HTRA4: variants seen among roughly 807,000 people sequenced by gnomAD.
The protein encoded by HTRA4 is HtrA serine peptidase 4.
HTRA4 carries 46 observed loss-of-function variants against 49.1 expected under a neutral mutation model. That is an observed-to-expected ratio of 0.94 (90% CI 0.74 to 1.20). HTRA4 has a LOEUF of 1.20. Among genes scored for constraint, HTRA4 ranks in the 50% most tolerant of loss-of-function variants. The pLI is 0.00. For synonymous variants in HTRA4, 261 were observed against 264.0 expected (o/e 0.99, Z 0.11); for missense variants, 602 against 636.9 (o/e 0.95, Z 0.59).
intron 5 of HTRA4, among the ~76,000 whole-genome samples, chr8:38,980,982 T>C (rs1835411296): frequency 6.6e-6 from 1 of 151,536 alleles, no homozygotes; most frequent in South Asian, 2.1e-4. Context: ...ATGCTCCTTG[T>C]CCTTCTACCT....
At chr8:38,978,942 C>T (rs1405310248) in intron 4 of HTRA4, among the ~76,000 whole-genome samples, 1 of 143,558 alleles carries the variant, frequency 7.0e-6, no homozygotes, top group Non-Finnish European at 1.5e-5. Flanking sequence ...TGCAGTGAGT[C>T]GAGATTGCGC....
At chr8:38,976,071 C>A (rs1428602924) in intron 2 of HTRA4, among the ~76,000 whole-genome samples, 1 of 152,174 alleles carries the variant, frequency 6.6e-6, no homozygotes, top group Non-Finnish European at 1.5e-5. Flanking sequence ...TCCACTGATA[C>A]ATGGAGAAAA....
intron 5 of HTRA4, among the ~76,000 whole-genome samples, chr8:38,981,259 T>G (rs903356758): frequency 2.6e-5 from 4 of 151,152 alleles, no homozygotes; most frequent in African/African-American, 7.3e-5. Flanking sequence ...TTTTATATTT[T>G]TAGTAGAGAT....
chr8:38,982,835 G>A, intron 7 of HTRA4, 118 bp from the exon 8 acceptor site: 1 of 695,754 alleles, frequency 1.4e-6, no homozygotes, highest in Non-Finnish European at 2.4e-6. Context: ...TAGCTTGATG[G>A]AATCTTCCTC....
At position 38,983,039 on chromosome 8, in the gene HTRA4, C is replaced by T. The variant is rs1367873752; in HGVS notation, c.1259C>T (p.Ala420Val). Reference protein sequence around the residue: ...VYVCKVVEGTAAQSSGLRDHD... With the variant: ...VYVCKVVEGTVAQSSGLRDHD... The stretch of plus-strand genomic sequence containing the variant: ...GTATGTAAAGTGGTTGAAGGAACAG[C>T]TGCTCAAAGGTAAGAGAAGTGAAGG... Residue 420 changes from alanine (A) to valine (V), a missense_variant, in exon 8 of 9, where the codon GCT becomes GTT. Coordinates refer to ENST00000302495, the MANE Select transcript of HTRA4 (RefSeq NM_153692.4). 1 of 1,611,452 alleles carries T rather than the reference C, an allele frequency of 6.2e-7. No homozygotes were observed. Among genetic ancestry groups the T allele is most frequent in the Non-Finnish European group, 8.5e-7 (1 of 1,177,716 alleles).
intron 1 of HTRA4, 97 bp from the exon 2 acceptor site, chr8:38,974,934 C>T: frequency 7.0e-7 from 1 of 1,436,166 alleles, no homozygotes; most frequent in Non-Finnish European, 9.7e-7. Flanking sequence ...CCTCCCCATG[C>T]ACCTTTTGAA....
chr8:38,975,844 G>A (rs1835344792), intron 2 of HTRA4, among the ~76,000 whole-genome samples: 1 of 152,206 alleles, frequency 6.6e-6, no homozygotes, highest in Non-Finnish European at 1.5e-5. Context: ...GCCAGAATCA[G>A]AGCCCTTTGA....
intron 7 of HTRA4, 144 bp downstream of exon 7, chr8:38,982,699 T>C: frequency 1.4e-6 from 1 of 722,866 alleles, no homozygotes; most frequent in Non-Finnish European, 2.4e-6. Flanking sequence ...GGTATGTATC[T>C]GCCTCTGCCT....
Position 38,988,039 on chromosome 8 carries a change from G to A in HTRA4, c.1372G>A (p.Ala458Thr). The part of the protein sequence containing the change: ...KALDSDSLSM[A>T]VLRGKDNLLL... ...TCTTGACAGTGATTCCCTTTCCATG[G>A]CTGTTCTTCGGGGAAAAGATAATTT... Residue 458 changes from alanine to threonine, a missense_variant, in exon 9 of 9, where the codon GCT (alanine) becomes ACT (threonine). Coordinates refer to ENST00000302495, the MANE Select transcript of HTRA4 (RefSeq NM_153692.4). The A allele has an allele frequency of 6.2e-7, 1 of 1,611,920 alleles. No homozygotes were observed. The highest frequency in any genetic ancestry group is 1.7e-4 in the Middle Eastern group (1 of 6,054).
At chr8:38,982,336 A>G (rs1835433957) in intron 6 of HTRA4, among the ~76,000 whole-genome samples, 162 bp from the exon 7 acceptor site, 1 of 152,028 alleles carries the variant, frequency 6.6e-6, no homozygotes, top group African/African-American at 2.4e-5. Flanking sequence ...GGGTGGGAGG[A>G]GTGTAAGTGC....
chr8:38,986,315 T>C (rs1472758269), intron 8 of HTRA4, among the ~76,000 whole-genome samples: 1 of 152,224 alleles, frequency 6.6e-6, no homozygotes, highest in African/African-American at 2.4e-5. Context: ...TGAGTTTCGC[T>C]CTTGTTGCCC....
At chr8:38,975,822 G>A (rs527921973) in intron 2 of HTRA4, among the ~76,000 whole-genome samples, 8 of 152,278 alleles carry the variant, frequency 5.3e-5, no homozygotes, top group Non-Finnish European at 5.9e-5. Context: ...GCCAGTTGGC[G>A]GTGGAAACTA....
At chr8:38,980,563 A>C (rs1835405706) in intron 5 of HTRA4, among the ~76,000 whole-genome samples, 1 of 134,648 alleles carries the variant, frequency 7.4e-6, no homozygotes. Flanking sequence ...CCCCATCTCT[A>C]CCTAACATAC....
rs1331292987 is a variant in HTRA4 at position 38,988,362 on chromosome 8, GCAAACTAAC to G, written c.*265_*273del. ...ATGGAGCTGGAAACCATTATCCTCA[GCAAACTAAC>G]GCAGGAACAGAAAACCAAATACTGC... is the stretch of plus-strand genomic sequence containing the variant. On this transcript the variant is annotated 3_prime_UTR_variant, in exon 9 of 9. Transcript: ENST00000302495. 981 of 256,072 alleles carry G rather than the reference GCAAACTAAC, an allele frequency of 3.8e-3. 11 individuals carry two copies. Among genetic ancestry groups the G allele is most frequent in the African/African-American group, 0.021 (936 of 44,416 alleles). 15.9% of individuals were successfully genotyped at this position (256,072 alleles called of 1,614,324 possible).
Position 38,975,041 on chromosome 8 carries a change from C to A in HTRA4, c.477C>A (p.Ser159Arg). The change falls in exon 2 of 9, where the codon AGC becomes AGA. Residue 159 changes from serine (S) to arginine (R), a missense_variant. Coordinates refer to ENST00000302495, the MANE Select transcript of HTRA4 (RefSeq NM_153692.4). Reference protein sequence around the residue: ...WGNCGDTGTRSAGPLRRNYNF... With the variant: ...WGNCGDTGTRRAGPLRRNYNF... ...AGTATTTTTTCATAGGGACCAGAAGCGCAGGCCCGCTCAGGAGGAATTACA... is the reference window on the plus strand; with the variant it reads ...AGTATTTTTTCATAGGGACCAGAAGAGCAGGCCCGCTCAGGAGGAATTACA... 1 of 1,614,048 alleles carries A rather than the reference C, an allele frequency of 6.2e-7. No homozygotes were observed. Among genetic ancestry groups the A allele is most frequent in the South Asian group, 1.1e-5 (1 of 91,086 alleles).
rs754113555 is a variant in HTRA4, at chr8:38,974,250, GAGGA to G, written c.-8_-5del. On this transcript the variant is annotated 5_prime_UTR_variant, in exon 1 of 9. Coordinates refer to ENST00000302495, the MANE Select transcript of HTRA4 (RefSeq NM_153692.4). The stretch of plus-strand genomic sequence containing the variant: ...AGTAAAGTCACTGAAGAGTGGAAGC[GAGGA>G]AGGAACAGGATGATTAGACCTCAGC... 1.9e-6 allele frequency: 3 copies of G among 1,612,140 alleles called. No homozygotes were observed. Among genetic ancestry groups the G allele is most frequent in the Non-Finnish European group, 2.5e-6 (3 of 1,179,398 alleles).
chr8:38,977,981 G>A lies in HTRA4; in HGVS notation c.800G>A (p.Arg267Lys), dbSNP rs774162529. ...NAELPVLMLG[R>K]SSDLRAGEFV... is the part of the protein sequence containing the mutation. Reference sequence around the variant, plus strand: ...GAACTTCCTGTACTGATGCTGGGAAGATCATCTGACCTTCGGGCTGGAGAG... The same window carrying A: ...GAACTTCCTGTACTGATGCTGGGAAAATCATCTGACCTTCGGGCTGGAGAG... Residue 267 changes from arginine to lysine, a missense_variant, in exon 4 of 9, where the codon AGA becomes AAA. Arg to Lys is a conservative substitution (Grantham distance 26). Coordinates refer to ENST00000302495, the MANE Select transcript of HTRA4 (RefSeq NM_153692.4). 5 of 1,614,144 alleles carry A rather than the reference G, an allele frequency of 3.1e-6. No individual in the cohort carries two copies. The Admixed American group carries it at 8.3e-5, about 27-fold the overall frequency.
chr8:38,981,725 G>A lies in HTRA4; in HGVS notation c.1072G>A (p.Val358Ile). The change falls in exon 6 of 9, where the codon GTT becomes ATT. Residue 358 changes from valine to isoleucine, a missense_variant. Val to Ile is a conservative substitution (Grantham distance 29, BLOSUM62 3). Transcript: ENST00000302495. ...CTCCTTTGCAATTCCTTCAGATCGA[G>A]TTAGGCAGTTCTTGGCAGAATACCA... ...GISFAIPSDR[V>I]RQFLAEYHEH... 1 of 1,613,664 alleles carries A rather than the reference G, an allele frequency of 6.2e-7. No homozygotes were observed. The highest frequency in any genetic ancestry group is 8.5e-7 in the Non-Finnish European group (1 of 1,179,930).
chr8:38,984,727 C>G (rs1371518136), intron 8 of HTRA4, among the ~76,000 whole-genome samples: 1 of 151,990 alleles, frequency 6.6e-6, no homozygotes, highest in African/African-American at 2.4e-5. Flanking sequence ...CCAGCCTGGG[C>G]AAGAAAGCGA....
Sources: allele counts gnomAD v4.1 joint callset (sites outside exome capture counted in the v4.1 genomes callset), GRCh38; gene constraint gnomAD v4.1.1; transcripts MANE v1.5; gene names NCBI Gene and HGNC (gene_info 2026-07-23, HGNC 2026-07-21).